Variants in CCDC7 observed in about 807,000 individuals in gnomAD.
CCDC7 encodes coiled-coil domain-containing protein 7.
Under a neutral mutation model 196.9 loss-of-function variants are expected in CCDC7, and 183 were observed. The ratio of observed to expected loss-of-function variants is 0.93; its 90% CI spans 0.82 to 1.05. The LOEUF is 1.05. CCDC7 is among the 50% of genes least tolerant of loss of function. The probability of loss-of-function intolerance (pLI) is 0.00; values close to 1 mark genes in which losing one functional copy is unlikely to be tolerated. For missense variants in CCDC7, 1,540 were observed against 1,482.2 expected (o/e 1.04, Z -0.64); for synonymous variants, 525 against 484.6 (o/e 1.08, Z -1.10).
intron 31 of CCDC7, among the ~76,000 whole-genome samples, chr10:32,816,885 A>G (rs953530732): frequency 8.0e-4 from 121 of 152,032 alleles, no homozygotes; most frequent in African/African-American, 2.5e-3. Flanking sequence ...AAAGATGGGG[A>G]AAAAAAAGAG....
At chr10:32,530,676 TC>T (rs2049498210) in intron 11 of CCDC7, among the ~76,000 whole-genome samples, 1 of 152,214 alleles carries the variant, frequency 6.6e-6, no homozygotes, top group African/African-American at 2.4e-5. Context: ...TCTAGGTTTT[TC>T]TAGGTATAAG....
intron 5 of CCDC7, among the ~76,000 whole-genome samples, chr10:32,464,840 T>C (rs1012329307): frequency 6.6e-6 from 1 of 152,130 alleles, no homozygotes; most frequent in African/African-American, 2.4e-5. Flanking sequence ...GATTAATTAT[T>C]CTCTCTTGTA....
chr10:32,852,234 C>T (rs2093590808), intron 40 of CCDC7, among the ~76,000 whole-genome samples: 1 of 152,174 alleles, frequency 6.6e-6, no homozygotes, highest in Non-Finnish European at 1.5e-5. Flanking sequence ...TTTATAACCT[C>T]TTTCTTATAT....
At chr10:32,476,315 G>T (rs1203069915) in intron 8 of CCDC7, among the ~76,000 whole-genome samples, 2 of 152,078 alleles carry the variant, frequency 1.3e-5, no homozygotes, top group Admixed American at 1.3e-4. Context: ...GATATTATTA[G>T]TCTTTCTTTT....
At chr10:32,467,036 CT>C (rs1287068313) in intron 5 of CCDC7, among the ~76,000 whole-genome samples, 1 of 151,136 alleles carries the variant, frequency 6.6e-6, no homozygotes, top group African/African-American at 2.4e-5. Flanking sequence ...TGATGTTGAG[CT>C]TTTTTTCATA....
Position 32,496,542 on chromosome 10 carries a change from C to G in CCDC7, c.872+4545C>G, listed in dbSNP as rs573123483. Reference sequence around the variant, plus strand: ...GGCTGTGGGTTTGTCATAAATAGCTCTTATTATTTTGAGATACTTTCAGTC... The same window carrying G: ...GGCTGTGGGTTTGTCATAAATAGCTGTTATTATTTTGAGATACTTTCAGTC... On this transcript the variant is annotated intron_variant, in intron 9 of 41. Coordinates refer to ENST00000639629, the Ensembl canonical transcript of CCDC7. 9.2e-5 allele frequency among the ~76,000 whole-genome samples: 14 copies of G among 152,164 alleles called. No homozygotes were observed. In the South Asian group the frequency reaches 1.2e-3, roughly 14 times the overall value.
chr10:32,800,087 C>A (rs1272879894), intron 29 of CCDC7, among the ~76,000 whole-genome samples: 3 of 152,096 alleles, frequency 2.0e-5, no homozygotes, highest in Non-Finnish European at 4.4e-5. Flanking sequence ...TTGGAGTAAA[C>A]CCTTTGTTAA....
chr10:32,835,044 G>A (rs11009108), intron 33 of CCDC7, 146 bp downstream of exon 34: 52,907 of 479,706 alleles, frequency 0.11, 3,789 homozygotes, highest in East Asian at 0.31. Flanking sequence ...TGGAACTCTA[G>A]TATTTGCTAT....
intron 9 of CCDC7, among the ~76,000 whole-genome samples, chr10:32,505,699 G>A (rs1304979502): frequency 2.0e-5 from 3 of 150,438 alleles, no homozygotes; most frequent in South Asian, 2.2e-4. Context: ...CTGTCTCTTC[G>A]GAGCTGTTGG....
At chr10:32,668,455 A>G (rs2073316069) in intron 21 of CCDC7, among the ~76,000 whole-genome samples, 2 of 152,012 alleles carry the variant, frequency 1.3e-5, no homozygotes, top group African/African-American at 4.8e-5. Context: ...GCCAGTTTTC[A>G]AAGGGAATGC....
chr10:32,828,595 C>G (rs1012989699), intron 32 of CCDC7, among the ~76,000 whole-genome samples: 8 of 151,802 alleles, frequency 5.3e-5, no homozygotes, highest in Non-Finnish European at 1.2e-4. Context: ...GACTCATGCT[C>G]TTGGAATTCA....
chr10:32,549,866 T>C (rs1006866433), intron 13 of CCDC7, among the ~76,000 whole-genome samples: 6 of 152,198 alleles, frequency 3.9e-5, no homozygotes, highest in African/African-American at 1.4e-4. Context: ...AGATTTCTTC[T>C]TTTTGCTTAG....
chr10:32,656,677 G>C (rs1159989359), intron 20 of CCDC7, among the ~76,000 whole-genome samples: 1 of 152,170 alleles, frequency 6.6e-6, no homozygotes, highest in Non-Finnish European at 1.5e-5. Context: ...TACAATTCAA[G>C]ATGAGATTTG....
intron 18 of CCDC7, among the ~76,000 whole-genome samples, chr10:32,625,724 T>C (rs1615014): frequency 0.92 from 140,404 of 152,128 alleles, 65,789 homozygotes; most frequent in East Asian, 1. Context: ...ACATCATCTC[T>C]TTATTACCCC....
intron 28 of CCDC7, among the ~76,000 whole-genome samples, chr10:32,777,067 CCA>C (rs919664238): frequency 3.3e-5 from 5 of 152,026 alleles, no homozygotes; most frequent in African/African-American, 1.2e-4. Flanking sequence ...TTTTAGTATT[CCA>C]CAGTCTCTAT....
intron 28 of CCDC7, among the ~76,000 whole-genome samples, chr10:32,749,604 G>A (rs1264473109): frequency 6.6e-6 from 1 of 152,048 alleles, no homozygotes; most frequent in Non-Finnish European, 1.5e-5. Flanking sequence ...ACATGTGATT[G>A]TTACAAAAAT....
upstream of CCDC7, among the ~76,000 whole-genome samples, chr10:32,445,928 T>C (rs2030803652): frequency 6.6e-6 from 1 of 152,226 alleles, no homozygotes; most frequent in African/African-American, 2.4e-5. Flanking sequence ...TGGATGAATC[T>C]GCGCTCAGGG....
At chr10:32,704,677 G>A (rs536850439) in intron 24 of CCDC7, among the ~76,000 whole-genome samples, 12 of 152,230 alleles carry the variant, frequency 7.9e-5, no homozygotes, top group East Asian at 3.9e-4. Context: ...CATCCCAGCC[G>A]CTTTTTTTAG....
intron 41 of CCDC7, among the ~76,000 whole-genome samples, chr10:32,860,587 T>G (rs1319127935): frequency 2.0e-5 from 3 of 152,088 alleles, no homozygotes; most frequent in Non-Finnish European, 4.4e-5. Flanking sequence ...GAGAAAGAAA[T>G]AAAGCGTATT....
Sources: allele counts gnomAD v4.1 joint callset (sites outside exome capture counted in the v4.1 genomes callset), GRCh38; gene constraint gnomAD v4.1.1; transcripts MANE v1.5; gene names NCBI Gene and HGNC (gene_info 2026-07-23, HGNC 2026-07-21).